The following TRIOBP variants were observed in gnomAD, a reference collection of about 807,000 sequenced individuals.
TRIOBP encodes TRIO and F-actin binding protein, also known as TRIO and F-actin-binding protein.
In TRIOBP, 169 loss-of-function variants were observed where a neutral mutation model predicts 238.8. That is an observed-to-expected ratio of 0.71 (90% CI 0.62 to 0.80). The LOEUF is 0.80. Ranked by LOEUF, TRIOBP falls within the 30% of genes least tolerant of loss-of-function variation. The pLI, the probability that TRIOBP is intolerant of heterozygous loss-of-function variation, is 0.00. For missense variants in TRIOBP, 2,838 were observed against 3,122.6 expected, an observed-to-expected ratio of 0.91 and a Z score of 2.17; for synonymous variants, 1,150 against 1,274.4, an observed-to-expected ratio of 0.90 and a Z score of 2.08.
intron 11 of TRIOBP, chr22:37,751,140 C>A: frequency 2.3e-6 from 1 of 430,660 alleles, no homozygotes; most frequent in Non-Finnish European, 4.8e-6. Context: ...CTCCATGGGA[C>A]ATGCTGCAGC....
intron 7 of TRIOBP, among the ~76,000 whole-genome samples, chr22:37,730,966 A>AG: frequency 6.6e-6 from 1 of 151,228 alleles, no homozygotes; most frequent in South Asian, 2.1e-4. Flanking sequence ...AAAAAAAAAA[A>AG]AGTTACAAAC....
intron 23 of TRIOBP, 104 bp downstream of exon 23, chr22:37,772,868 C>T: frequency 2.2e-6 from 3 of 1,391,342 alleles, no homozygotes; most frequent in South Asian, 1.3e-5. Context: ...TTCTTCTGGC[C>T]TCCAATTCCC....
chr22:37,765,615 G>A (rs1052856105), intron 17 of TRIOBP, 55 bp from the exon 18 acceptor site: 1 of 1,546,398 alleles, frequency 6.5e-7, no homozygotes, highest in African/African-American at 1.4e-5. Flanking sequence ...GCTGGGGAAG[G>A]GCCGCTGTCC....
chr22:37,770,576 C>G (rs953016702), intron 21 of TRIOBP, among the ~76,000 whole-genome samples: 2 of 151,946 alleles, frequency 1.3e-5, no homozygotes, highest in African/African-American at 2.4e-5. Context: ...AGGGTTTTTC[C>G]ATGTTGGTCA....
At chr22:37,709,474 G>A (rs1331772730) in intron 3 of TRIOBP, among the ~76,000 whole-genome samples, 1 of 152,224 alleles carries the variant, frequency 6.6e-6, no homozygotes, top group African/African-American at 2.4e-5. Flanking sequence ...TGCCACCACA[G>A]CCCGGAGTCG....
At chr22:37,712,865 G>A (rs1301765813) in intron 4 of TRIOBP, among the ~76,000 whole-genome samples, 4 of 151,800 alleles carry the variant, frequency 2.6e-5, no homozygotes, top group South Asian at 2.1e-4. Context: ...GCTGAGGCAG[G>A]AGAATGGCAT....
chr22:37,767,716 G>A (rs939656387), intron 18 of TRIOBP, among the ~76,000 whole-genome samples: 3 of 152,134 alleles, frequency 2.0e-5, no homozygotes, highest in African/African-American at 7.2e-5. Flanking sequence ...TGCAGGGGGG[G>A]TGTACTAGGT....
chr22:37,735,036 G>T lies in TRIOBP; in HGVS notation c.4700G>T (p.Arg1567Leu). The stretch of plus-strand genomic sequence containing the variant: ...TGGAGGGATCTGCTTGGCCTTCTCC[G>T]GGCACCAGGAGAGGGGGTCTGGGCC... Reference protein sequence around the residue: ...LDWRDLLGLLRAPGEGVWARV... With the variant: ...LDWRDLLGLLLAPGEGVWARV... The change falls in exon 9 of 24, where the codon CGG becomes CTG. Residue 1567 changes from arginine to leucine, a missense_variant. Coordinates refer to ENST00000644935, the MANE Select transcript of TRIOBP (RefSeq NM_001039141.3). 1 of 1,608,726 alleles carries T rather than the reference G, an allele frequency of 6.2e-7. No individual in the cohort carries two copies. Among genetic ancestry groups the T allele is most frequent in the Non-Finnish European group, 8.5e-7 (1 of 1,176,378 alleles).
At chr22:37,698,225 A>C (rs1054850864) in intron 2 of TRIOBP, among the ~76,000 whole-genome samples, 3 of 149,790 alleles carry the variant, frequency 2.0e-5, no homozygotes, top group African/African-American at 4.9e-5. Context: ...AAAAGAAAGA[A>C]AGACACCAGG....
At chr22:37,767,949 C>T in intron 18 of TRIOBP, 125 bp from the exon 19 acceptor site, 1 of 782,988 alleles carries the variant, frequency 1.3e-6, no homozygotes. Context: ...GTCCATAGTA[C>T]TTGCATAGTA....
intron 16 of TRIOBP, 103 bp downstream of exon 16, chr22:37,758,241 G>C: frequency 6.9e-7 from 1 of 1,448,810 alleles, no homozygotes; most frequent in Non-Finnish European, 9.4e-7. Context: ...CAGTGATGGG[G>C]AGCTCACCCC....
At chr22:37,746,269 G>C (rs1262903064) in intron 11 of TRIOBP, 5 of 1,087,548 alleles carry the variant, frequency 4.6e-6, no homozygotes, top group Non-Finnish European at 5.6e-6. Flanking sequence ...GGGCAGCGTC[G>C]GGGAAAGGAA....
At position 37,734,555 on chromosome 22, in the gene TRIOBP, C is replaced by T; in HGVS notation, c.4219C>T (p.Leu1407=). 1 of 1,591,472 alleles carries T rather than the reference C, an allele frequency of 6.3e-7. No individual in the cohort carries two copies. Among genetic ancestry groups the T allele is most frequent in the Non-Finnish European group, 8.6e-7 (1 of 1,169,302 alleles). ...RTSARTPERE[L]RTQRPLESGQ... is the part of the protein sequence containing the mutation. ...ATCAGCCAGGACCCCTGAGAGGGAG[C>T]TGCGGACACAGAGACCTCTGGAGAG... is the stretch of plus-strand genomic sequence containing the variant. The change falls in exon 9 of 24, where the codon CTG becomes TTG. Residue 1407 remains leucine, a synonymous_variant. Transcript: ENST00000644935.
At chr22:37,718,653 G>T (rs940361917) in intron 6 of TRIOBP, among the ~76,000 whole-genome samples, 1 of 151,970 alleles carries the variant, frequency 6.6e-6, no homozygotes, top group Non-Finnish European at 1.5e-5. Flanking sequence ...TGAAACATCA[G>T]ACAAACCCGA....
At chr22:37,732,381 C>T (rs1924467420) in intron 7 of TRIOBP, among the ~76,000 whole-genome samples, 1 of 152,184 alleles carries the variant, frequency 6.6e-6, no homozygotes, top group South Asian at 2.1e-4. Context: ...CGTGGTGGCT[C>T]ATGCCTGTAA....
chr22:37,772,427 T>C (rs2145885466), intron 22 of TRIOBP, among the ~76,000 whole-genome samples, 174 bp from the exon 23 acceptor site: 1 of 152,150 alleles, frequency 6.6e-6, no homozygotes, highest in Middle Eastern at 3.4e-3. Flanking sequence ...CCCTGGGTGG[T>C]ACCAGGGAGG....
chr22:37,773,446 C>T (rs1391716788), intron 23 of TRIOBP, among the ~76,000 whole-genome samples: 1 of 152,172 alleles, frequency 6.6e-6, no homozygotes, highest in African/African-American at 2.4e-5. Context: ...TCTCGAACTC[C>T]TGGGCTCAAG....
chr22:37,735,023 C>G lies in TRIOBP; in HGVS notation c.4687C>G (p.Leu1563Val), dbSNP rs1924603498. Residue 1563 changes from leucine to valine, a missense_variant, in exon 9 of 24, where the codon CTT becomes GTT. Transcript: ENST00000644935. Reference sequence around the variant, plus strand: ...ACCCGAGCTTGACTGGAGGGATCTGCTTGGCCTTCTCCGGGCACCAGGAGA... The same window carrying G: ...ACCCGAGCTTGACTGGAGGGATCTGGTTGGCCTTCTCCGGGCACCAGGAGA... ...RRPELDWRDL[L>V]GLLRAPGEGV... The G allele has an allele frequency of 6.2e-7, 1 of 1,610,196 alleles. No individual in the cohort carries two copies.
intron 3 of TRIOBP, 108 bp from the exon 4 acceptor site, chr22:37,710,319 C>G: frequency 6.6e-7 from 1 of 1,509,814 alleles, no homozygotes; most frequent in Non-Finnish European, 9.0e-7. Context: ...GTGCAGGATC[C>G]CCCGAGGAGA....
Sources: allele counts gnomAD v4.1 joint callset (sites outside exome capture counted in the v4.1 genomes callset), GRCh38; gene constraint gnomAD v4.1.1; transcripts MANE v1.5; gene names NCBI Gene and HGNC (gene_info 2026-07-23, HGNC 2026-07-21).